The following AKAP12 variants were observed in gnomAD, a reference collection of about 807,000 sequenced individuals.
AKAP12 encodes A-kinase anchoring protein 12, also known as A-kinase anchor protein 12.
In AKAP12, 32 loss-of-function variants were observed where a neutral mutation model predicts 79.9. The ratio of observed to expected loss-of-function variants is 0.40; its 90% CI spans 0.30 to 0.54. The LOEUF (loss-of-function observed/expected upper bound fraction) is 0.54, where lower values mean the gene tolerates loss of function less well. AKAP12 is among the 20% of genes least tolerant of loss of function. AKAP12 has a pLI of 0.48. For missense variants in AKAP12, 2,074 were observed against 2,177.0 expected, an observed-to-expected ratio of 0.95 and a Z score of 0.94; for synonymous variants, 808 against 857.0, an observed-to-expected ratio of 0.94 and a Z score of 1.00.
rs1181940932 is a variant in AKAP12, at chr6:151,305,832, G to T, written c.248G>T (p.Gly83Val). Reference protein sequence around the residue: ...ELSLQEGDLNGQKGALNGQGA... With the variant: ...ELSLQEGDLNVQKGALNGQGA... ...AGCCTCCAGGAGGGTGACCTAAATGGCCAGAAAGGAGCCCTGAACGGTCAA... is the reference window on the plus strand; with the variant it reads ...AGCCTCCAGGAGGGTGACCTAAATGTCCAGAAAGGAGCCCTGAACGGTCAA... The change falls in exon 3 of 5, where the codon GGC becomes GTC. Residue 83 changes from glycine (G) to valine (V), a missense_variant. Gly to Val is a moderately radical substitution (Grantham distance 109, BLOSUM62 -3). This residue lies in a region of AKAP12 where 1,428 missense variants were observed against 1,451.0 expected (regional missense o/e 0.98). Coordinates refer to ENST00000402676, the MANE Select transcript of AKAP12 (RefSeq NM_005100.4). 5.6e-6 allele frequency: 9 copies of T among 1,614,058 alleles called. No individual in the cohort carries two copies. The highest frequency in any genetic ancestry group is 1.1e-5 in the South Asian group (1 of 91,070).
rs527495803 is a variant in AKAP12 at position 151,240,776 on chromosome 6, G to C, written c.162+52G>C. ...CGGGAGGCGCGGGTCTTTGGGGGTG[G>C]GGGTGGGGGTGGGGGGGTCCCTCCG... On this transcript the variant is annotated intron_variant, in intron 2 of 4. Transcript: ENST00000402676. The C allele has an allele frequency of 3.5e-6, 4 of 1,135,900 alleles. No individual in the cohort carries two copies. The South Asian group carries it at 1.5e-4, about 42-fold the overall frequency. 70.4% of individuals were successfully genotyped at this position (1,135,900 alleles called of 1,614,324 possible). A position where few individuals can be genotyped will look rare whatever the true frequency, so the allele number is the denominator to read the frequency against.
At chr6:151,316,006 C>T (rs1015469012) in intron 3 of AKAP12, among the ~76,000 whole-genome samples, 1 of 152,150 alleles carries the variant, frequency 6.6e-6, no homozygotes, top group East Asian at 1.9e-4. Context: ...TCCCATTAAA[C>T]ATGGGGATTA....
chr6:151,246,195 A>G (rs1221150531), intron 2 of AKAP12, among the ~76,000 whole-genome samples: 1 of 152,134 alleles, frequency 6.6e-6, no homozygotes, highest in Non-Finnish European at 1.5e-5. Context: ...GAGGCAGGTG[A>G]ATCACAAGGT....
At chr6:151,240,265 C>A (rs778278331) in intron 1 of AKAP12, 119 bp from the exon 2 acceptor site, 28 of 256,944 alleles carry the variant, frequency 1.1e-4, no homozygotes, top group Non-Finnish European at 1.7e-4. Context: ...AGCCTGGGGG[C>A]AGATGCTGCT....
chr6:151,282,083 A>G (rs1337865848), intron 2 of AKAP12, among the ~76,000 whole-genome samples: 1 of 146,610 alleles, frequency 6.8e-6, no homozygotes, highest in Non-Finnish European at 1.5e-5. Context: ...CTGCCCATAC[A>G]TCTATTTTTA....
intron 2 of AKAP12, among the ~76,000 whole-genome samples, chr6:151,259,507 TATATACACACACAC>T (rs1241779241): frequency 3.3e-4 from 40 of 122,492 alleles, no homozygotes; most frequent in African/African-American, 1.3e-3. Flanking sequence ...CATGTATATA[TATATACACACACAC>T]ACACACACAC....
intron 3 of AKAP12, among the ~76,000 whole-genome samples, chr6:151,341,114 C>T (rs1391735064): frequency 6.6e-6 from 1 of 150,958 alleles, no homozygotes; most frequent in East Asian, 1.9e-4. Context: ...TGCAGTGGCA[C>T]GATCTCGGCT....
intron 3 of AKAP12, among the ~76,000 whole-genome samples, chr6:151,326,991 A>AT (rs1777545964): frequency 1.3e-5 from 2 of 151,622 alleles, no homozygotes; most frequent in Non-Finnish European, 2.9e-5. Flanking sequence ...TAATTTTTGT[A>AT]TTTTTAGTAG....
rs1476020231 is a variant in AKAP12 at position 151,350,513 on chromosome 6, G to T, written c.2122G>T (p.Gly708Ter). 1 of 1,614,092 alleles carries T rather than the reference G, an allele frequency of 6.2e-7. No individual in the cohort carries two copies. The highest frequency in any genetic ancestry group is 1.7e-5 in the Admixed American group (1 of 60,028). ...SDEEGGPKAM[G>*]GDHQKADEAG... Reference sequence around the variant, plus strand: ...TGAGGAAGGGGGACCAAAAGCAATGGGAGGAGACCACCAGAAAGCTGATGA... The same window carrying T: ...TGAGGAAGGGGGACCAAAAGCAATGTGAGGAGACCACCAGAAAGCTGATGA... The change falls in exon 4 of 5, where the codon GGA (glycine) becomes TGA (stop). Residue 708 changes from glycine (G) to a stop codon, truncating the protein, a stop_gained. Transcript: ENST00000402676. LOFTEE classifies it high-confidence loss of function. This position sits in a 1 kb window ranked among gnomAD's most constrained non-coding sequence, Gnocchi z 4.8.
chr6:151,348,680 T>TCGC, intron 3 of AKAP12, 31 bp from the exon 4 acceptor site: 7 of 355,198 alleles, frequency 2.0e-5, no homozygotes, highest in Admixed American at 4.2e-5. Flanking sequence ...TTTTCTCTTC[T>TCGC]CCCCACCCCC....
chr6:151,312,811 A>AAAAAG (rs1777146652), intron 3 of AKAP12, among the ~76,000 whole-genome samples: 1 of 150,684 alleles, frequency 6.6e-6, no homozygotes, highest in African/African-American at 2.4e-5. Context: ...AAAAAAAAAA[A>AAAAAG]GAATCATGAG....
At chr6:151,304,867 C>T (rs560159302) in intron 2 of AKAP12, among the ~76,000 whole-genome samples, 30 of 152,262 alleles carry the variant, frequency 2.0e-4, no homozygotes, top group East Asian at 7.7e-4. Context: ...CCACCACGCC[C>T]GGCCATGCCT....
chr6:151,312,682 C>A (rs1406158855), intron 3 of AKAP12, among the ~76,000 whole-genome samples: 1 of 150,176 alleles, frequency 6.7e-6, no homozygotes, highest in African/African-American at 2.5e-5. Flanking sequence ...GTCCCAGCCA[C>A]TTGGGAGGCT....
At chr6:151,354,880 T>C (rs1310235066) in intron 4 of AKAP12, among the ~76,000 whole-genome samples, 1 of 151,932 alleles carries the variant, frequency 6.6e-6, no homozygotes, top group East Asian at 1.9e-4. Context: ...GGGGTCTTGC[T>C]ATGTTGCCCA....
chr6:151,248,494 G>A (rs933870240), intron 2 of AKAP12, among the ~76,000 whole-genome samples: 1 of 152,088 alleles, frequency 6.6e-6, no homozygotes, highest in African/African-American at 2.4e-5. Context: ...CGTAAGAGCT[G>A]AATAAGGGCC....
chr6:151,356,760 T>C lies in AKAP12; in HGVS notation c.*1046T>C, dbSNP rs1284793620. Reference sequence around the variant, plus strand: ...GATTTGACGACTGATTTAAATAAAATATTTGCTTCACTTAGATTTGCTGGT... The same window carrying C: ...GATTTGACGACTGATTTAAATAAAACATTTGCTTCACTTAGATTTGCTGGT... On this transcript the variant is annotated 3_prime_UTR_variant, in exon 5 of 5. Transcript: ENST00000402676. The C allele has an allele frequency of 6.6e-6, 1 of 152,232 alleles. No homozygotes were observed. The highest frequency in any genetic ancestry group is 1.5e-5 in the Non-Finnish European group (1 of 68,044). 9.4% of individuals were successfully genotyped at this position (152,232 alleles called of 1,614,324 possible). A position where few individuals can be genotyped will look rare whatever the true frequency, so the allele number is the denominator to read the frequency against.
rs1273554667 is a variant in AKAP12 at position 151,352,498 on chromosome 6, G to A, written c.4107G>A (p.Glu1369=). Residue 1369 remains glutamate, a synonymous_variant, in exon 4 of 5, where the codon GAG becomes GAA. Coordinates refer to ENST00000402676, the MANE Select transcript of AKAP12 (RefSeq NM_005100.4). ...AAACAGCTGTTACCGTATCTGAAGA[G>A]GTCAGTAAGCAGCTCCTCCAGACAG... ...EHETAVTVSE[E]VSKQLLQTVN... The A allele has an allele frequency of 6.2e-7, 1 of 1,614,166 alleles. No homozygotes were observed. The highest frequency in any genetic ancestry group is 2.2e-5 in the East Asian group (1 of 44,874).
Position 151,351,197 on chromosome 6 carries a change from G to A in AKAP12, c.2806G>A (p.Val936Ile), listed in dbSNP as rs1778275482. The change falls in exon 4 of 5, where the codon GTA becomes ATA. Residue 936 changes from valine to isoleucine, a missense_variant. Around this residue, in one of 3 missense-constraint regions of AKAP12, gnomAD observed 1,428 missense variants for 1,451.0 expected, o/e 0.98. Coordinates refer to ENST00000402676, the MANE Select transcript of AKAP12 (RefSeq NM_005100.4). This position sits in a 1 kb window ranked among gnomAD's most constrained non-coding sequence, Gnocchi z 4.4. ...EAEAALLTEE[V>I]LEREVIAEEE... ...TGAAGCCGCACTGTTAACTGAGGAG[G>A]TATTGGAAAGAGAAGTAATTGCAGA... is the stretch of plus-strand genomic sequence containing the variant. 6.2e-7 allele frequency: 1 copy of A among 1,614,230 alleles called. No homozygotes were observed. The highest frequency in any genetic ancestry group is 1.3e-5 in the African/African-American group (1 of 75,064).
intron 2 of AKAP12, among the ~76,000 whole-genome samples, chr6:151,264,753 A>G (rs1797515821): frequency 6.6e-6 from 1 of 152,160 alleles, no homozygotes; most frequent in Non-Finnish European, 1.5e-5. Context: ...ATATATCTGT[A>G]ATGTTTTTGA....
Sources: gnomAD v4.1 joint callset for allele counts (sites outside exome capture counted in the v4.1 genomes callset) on GRCh38, gnomAD v4.1.1 for gene constraint, gnomAD v4.1.1 regional missense constraint, Gnocchi (gnomAD v3.1) non-coding constraint, MANE v1.5 for transcripts, NCBI Gene and HGNC (gene_info 2026-07-23, HGNC 2026-07-21) for gene names.